Variants in EGFR observed in about 807,000 individuals in gnomAD.
EGFR encodes epidermal growth factor receptor.
EGFR carries 58 observed loss-of-function variants against 143.0 expected under a neutral mutation model. The ratio of observed to expected loss-of-function variants is 0.41; its 90% CI spans 0.33 to 0.50. EGFR has a LOEUF of 0.50. Ranked by LOEUF, EGFR falls within the 20% of genes least tolerant of loss-of-function variation. The pLI is 0.39. For synonymous variants in EGFR, 613 were observed against 594.4 expected (o/e 1.03, Z -0.45); for missense variants, 1,307 against 1,579.0 (o/e 0.83, Z 2.92).
chr7:55,097,242 C>G (rs1791532260), intron 1 of EGFR, among the ~76,000 whole-genome samples: 1 of 109,440 alleles, frequency 9.1e-6, no homozygotes, highest in African/African-American at 3.2e-5. Flanking sequence ...CAAGGCAGTA[C>G]TGCCTGGAAC....
chr7:55,190,912 C>T (rs559123891), intron 20 of EGFR, among the ~76,000 whole-genome samples: 8 of 152,250 alleles, frequency 5.3e-5, no homozygotes, highest in East Asian at 3.9e-4. Context: ...GGTAGGCATC[C>T]GTCAAGCAAG....
intron 1 of EGFR, among the ~76,000 whole-genome samples, chr7:55,119,656 G>A (rs1323963548): frequency 6.6e-6 from 1 of 152,186 alleles, no homozygotes; most frequent in Non-Finnish European, 1.5e-5. Flanking sequence ...GATTCCCCTC[G>A]CTCTGGCGTG....
intron 27 of EGFR, among the ~76,000 whole-genome samples, chr7:55,204,824 C>G (rs1341861018): frequency 2.7e-5 from 4 of 149,134 alleles, no homozygotes; most frequent in African/African-American, 9.9e-5. Context: ...CATATACACA[C>G]ACGTACACAC....
chr7:55,098,781 T>C (rs1461527801), intron 1 of EGFR, among the ~76,000 whole-genome samples: 1 of 152,234 alleles, frequency 6.6e-6, no homozygotes, highest in Non-Finnish European at 1.5e-5. Context: ...CTTTTGTGAT[T>C]CAAGGCTTCA....
chr7:55,066,361 G>T (rs1219682182), intron 1 of EGFR, among the ~76,000 whole-genome samples: 6 of 152,152 alleles, frequency 3.9e-5, no homozygotes, highest in African/African-American at 9.7e-5. Context: ...TAAATACAAA[G>T]AAATATTTGG....
chr7:55,082,978 C>T (rs1790547498), intron 1 of EGFR, among the ~76,000 whole-genome samples: 1 of 152,228 alleles, frequency 6.6e-6, no homozygotes, highest in South Asian at 2.1e-4. Flanking sequence ...AGTGAGTTCT[C>T]CTGCATGTCT....
At chr7:55,024,919 G>A (rs1340433567) in intron 1 of EGFR, among the ~76,000 whole-genome samples, 1 of 152,198 alleles carries the variant, frequency 6.6e-6, no homozygotes, top group Non-Finnish European at 1.5e-5. Flanking sequence ...ACATGGGGAG[G>A]AGAGCACGTT....
chr7:55,096,031 A>G (rs1018559132), intron 1 of EGFR, among the ~76,000 whole-genome samples: 1 of 152,182 alleles, frequency 6.6e-6, no homozygotes, highest in Non-Finnish European at 1.5e-5. Flanking sequence ...AGATAAGGTA[A>G]TATTAGCTAG....
chr7:55,157,753 A>G lies in EGFR; in HGVS notation c.1298A>G (p.His433Arg), dbSNP rs750713244. 8 of 1,614,204 alleles carry G rather than the reference A, an allele frequency of 5.0e-6. No homozygotes were observed. Among genetic ancestry groups the G allele is most frequent in the Non-Finnish European group, 6.8e-6 (8 of 1,180,004 alleles). ...LEIIRGRTKQ[H>R]GQFSLAVVSL... ...ATCATACGCGGCAGGACCAAGCAAC[A>G]GTAAGTTGACCACAGCCAAAGCCTG... Residue 433 changes from histidine to arginine, a missense_variant and splice_region_variant, in exon 11 of 28, where the codon CAT (histidine) becomes CGT (arginine). Transcript: ENST00000275493.
intron 27 of EGFR, among the ~76,000 whole-genome samples, chr7:55,204,350 A>G (rs1025579723): frequency 6.8e-6 from 1 of 148,024 alleles, no homozygotes; most frequent in Non-Finnish European, 1.5e-5. Flanking sequence ...ATATGTATGC[A>G]CACATACACA....
chr7:55,145,905 G>A (rs747301189), intron 3 of EGFR, among the ~76,000 whole-genome samples: 15 of 152,144 alleles, frequency 9.9e-5, no homozygotes, highest in African/African-American at 1.7e-4. Context: ...CACAGCACTT[G>A]CACAGGGTTT....
chr7:55,099,251 T>C (rs535876198), intron 1 of EGFR, among the ~76,000 whole-genome samples: 2 of 152,342 alleles, frequency 1.3e-5, no homozygotes, highest in Non-Finnish European at 2.9e-5. Context: ...CACATCTCAC[T>C]CAATTACACA....
At chr7:55,122,127 A>G (rs1225879244) in intron 1 of EGFR, among the ~76,000 whole-genome samples, 3 of 152,218 alleles carry the variant, frequency 2.0e-5, no homozygotes, top group Admixed American at 6.5e-5. Flanking sequence ...TGACCCCACC[A>G]TAACTGGGAA....
chr7:55,039,438 C>T (rs192121763), intron 1 of EGFR, among the ~76,000 whole-genome samples: 2 of 152,264 alleles, frequency 1.3e-5, no homozygotes, highest in East Asian at 3.9e-4. Context: ...AGACCAGGAC[C>T]TTTAACGCCC....
chr7:55,048,519 C>T lies in EGFR; in HGVS notation c.88+29154C>T, dbSNP rs73420776. ...TTTCAAAGTGTTTTTGTCTGCTTTT[C>T]GGTTAATAGACTTTCACAGTAGCCA... On this transcript the variant is annotated intron_variant, in intron 1 of 27. Coordinates refer to ENST00000275493, the MANE Select transcript of EGFR (RefSeq NM_005228.5). 4.3e-3 allele frequency among the ~76,000 whole-genome samples: 652 copies of T among 152,276 alleles called. 7 individuals carry two copies. The highest frequency in any genetic ancestry group is 0.015 in the African/African-American group (633 of 41,558).
chr7:55,066,365 T>G (rs1388252899), intron 1 of EGFR, among the ~76,000 whole-genome samples: 1 of 152,110 alleles, frequency 6.6e-6, no homozygotes. Context: ...TACAAAGAAA[T>G]ATTTGGTGTG....
chr7:55,036,271 T>TGTGGGG (rs1414370413), intron 1 of EGFR, among the ~76,000 whole-genome samples: 4 of 22,400 alleles, frequency 1.8e-4, no homozygotes, highest in South Asian at 1.5e-3. Flanking sequence ...TGTGTGTGTG[T>TGTGGGG]GGGGGGGGGG....
chr7:55,074,097 G>A lies in EGFR; in HGVS notation c.88+54732G>A, dbSNP rs534158128. Among the ~76,000 whole-genome samples, 16 of 152,322 alleles carry A rather than the reference G, an allele frequency of 1.1e-4. 1 individual carries two copies. The South Asian group carries it at 2.5e-3, about 24-fold the overall frequency. On this transcript the variant is annotated intron_variant, in intron 1 of 27. Transcript: ENST00000275493. ...GGCTCATTCACCACATCTGCCTCGC[G>A]AAGGCTAAGCCATGTGCTGTTACCC...
At chr7:55,130,269 C>T (rs1793759123) in intron 1 of EGFR, among the ~76,000 whole-genome samples, 1 of 152,192 alleles carries the variant, frequency 6.6e-6, no homozygotes, top group Non-Finnish European at 1.5e-5. Context: ...CGTGCAGGAA[C>T]TGGTCTGTTA....
Sources: gnomAD v4.1 joint callset for allele counts (sites outside exome capture counted in the v4.1 genomes callset) on GRCh38, gnomAD v4.1.1 for gene constraint, MANE v1.5 for transcripts, NCBI Gene and HGNC (gene_info 2026-07-23, HGNC 2026-07-21) for gene names.